Variants in NAV3 observed in about 807,000 individuals in gnomAD.
The protein encoded by NAV3 is pore membrane and/or filament interacting like protein 1.
In NAV3, 87 loss-of-function variants were observed where a neutral mutation model predicts 244.7. The ratio of observed to expected loss-of-function variants is 0.36; its 90% CI spans 0.30 to 0.42. NAV3 has a LOEUF of 0.42. Ranked by LOEUF, NAV3 falls within the 20% of genes least tolerant of loss-of-function variation. The pLI, the probability that NAV3 is intolerant of heterozygous loss-of-function variation, is 1.00. For synonymous variants in NAV3, 1,126 were observed against 1,042.2 expected, an observed-to-expected ratio of 1.08 and a Z score of -1.55; for missense variants, 2,663 against 2,893.3, an observed-to-expected ratio of 0.92 and a Z score of 1.83.
intron 20 of NAV3, among the ~76,000 whole-genome samples, chr12:78,145,790 A>G (rs1449521708): frequency 6.6e-6 from 1 of 152,200 alleles, no homozygotes; most frequent in Non-Finnish European, 1.5e-5. Flanking sequence ...GACTTGTGAT[A>G]ATTAAAATTA....
Position 78,154,317 on chromosome 12 carries a change from A to ATATTAC in NAV3, c.4786-4883_4786-4882insTACTAT, listed in dbSNP as rs1458854349. Reference sequence around the variant, plus strand: ...TATATTACTATATAATATATAGTATATATATAGTATATATTATATAGTAAT... The same window carrying ATATTAC: ...TATATTACTATATAATATATAGTATATATTACTATATAGTATATATTATATAGTAAT... On this transcript the variant is annotated intron_variant, in intron 22 of 39. Coordinates refer to ENST00000397909, the MANE Select transcript of NAV3 (RefSeq NM_001024383.2). 3.2e-3 allele frequency among the ~76,000 whole-genome samples: 293 copies of ATATTAC among 92,378 alleles called. 3 individuals carry two copies. Among genetic ancestry groups the ATATTAC allele is most frequent in the African/African-American group, 9.9e-3 (271 of 27,294 alleles). 60.6% of individuals were successfully genotyped at this position (92,378 alleles called of 152,430 possible). A position where few individuals can be genotyped will look rare whatever the true frequency, so the allele number is the denominator to read the frequency against.
chr12:77,786,194 A>G (rs1398378532), intron 2 of NAV3, among the ~76,000 whole-genome samples: 1 of 152,172 alleles, frequency 6.6e-6, no homozygotes, highest in Non-Finnish European at 1.5e-5. Flanking sequence ...TATGCCCCTA[A>G]CTGCTATGTG....
intron 12 of NAV3, among the ~76,000 whole-genome samples, chr12:78,100,083 A>C (rs1954462331): frequency 6.6e-6 from 1 of 151,878 alleles, no homozygotes; most frequent in South Asian, 2.1e-4. Flanking sequence ...TTTACTCAAA[A>C]CCCACATGGT....
intron 22 of NAV3, among the ~76,000 whole-genome samples, chr12:78,155,928 A>G (rs1456001965): frequency 6.6e-6 from 1 of 152,118 alleles, no homozygotes; most frequent in Non-Finnish European, 1.5e-5. Flanking sequence ...GATTCCACAA[A>G]TGTTCTCCCA....
intron 11 of NAV3, among the ~76,000 whole-genome samples, chr12:78,054,119 A>C (rs1725318133): frequency 6.6e-6 from 1 of 152,246 alleles, no homozygotes; most frequent in African/African-American, 2.4e-5. Flanking sequence ...CTCACATGAA[A>C]TAGAAAGCAG....
At position 78,185,788 on chromosome 12, in the gene NAV3, A is replaced by AT. The variant is rs1270517710; in HGVS notation, c.5790+91dup. 5.6e-5 allele frequency: 61 copies of AT among 1,085,418 alleles called. No homozygotes were observed. The Middle Eastern group carries it at 9.3e-4, about 16-fold the overall frequency. 67.2% of individuals were successfully genotyped at this position (1,085,418 alleles called of 1,614,324 possible). A position where few individuals can be genotyped will look rare whatever the true frequency, so the allele number is the denominator to read the frequency against. On this transcript the variant is annotated intron_variant, in intron 31 of 39. Coordinates refer to ENST00000397909, the MANE Select transcript of NAV3 (RefSeq NM_001024383.2). ...TATGTGTGAATATTTGATCTGGTAA[A>AT]TATCCTACAACAATTGTGGATTGGC... is the stretch of plus-strand genomic sequence containing the variant.
chr12:78,159,311 G>A (rs1957428124), intron 23 of NAV3, 25 bp downstream of exon 23: 1 of 1,594,464 alleles, frequency 6.3e-7, no homozygotes, highest in Non-Finnish European at 8.6e-7. Flanking sequence ...TGCCACTGGA[G>A]ACTGAAAGAA....
chr12:77,618,566 G>A (rs1040260433), intron 2 of NAV3, among the ~76,000 whole-genome samples: 74 of 152,172 alleles, frequency 4.9e-4, no homozygotes, highest in African/African-American at 1.7e-3. Flanking sequence ...TTAAAATGTT[G>A]TATAACTAAA....
chr12:78,129,120 T>C (rs2138862438), intron 18 of NAV3, among the ~76,000 whole-genome samples: 1 of 152,292 alleles, frequency 6.6e-6, no homozygotes, highest in Admixed American at 6.5e-5. Context: ...CTCCAGAGGC[T>C]CAGAAAGTTC....
intron 3 of NAV3, among the ~76,000 whole-genome samples, chr12:77,946,969 C>G (rs970760847): frequency 6.6e-6 from 1 of 152,072 alleles, no homozygotes; most frequent in Non-Finnish European, 1.5e-5. Context: ...AGCTAAGGAT[C>G]TGGCAAATGT....
intron 2 of NAV3, among the ~76,000 whole-genome samples, chr12:77,821,104 C>A (rs1005902063): frequency 1.3e-5 from 2 of 151,790 alleles, no homozygotes; most frequent in Non-Finnish European, 2.9e-5. Context: ...CACACACACA[C>A]ACACACACAG....
At chr12:78,006,258 T>TA (rs142229637) in intron 7 of NAV3, among the ~76,000 whole-genome samples, 161 bp from the exon 8 acceptor site, 7,016 of 151,362 alleles carry the variant, frequency 0.046, 265 homozygotes, top group East Asian at 0.14. Flanking sequence ...TGAAATATGG[T>TA]AAAAAAAAAT....
chr12:78,207,474 A>G (rs1594055356), intron 39 of NAV3, among the ~76,000 whole-genome samples: 1 of 152,314 alleles, frequency 6.6e-6, no homozygotes, highest in African/African-American at 2.4e-5. Flanking sequence ...TTCTACCTAT[A>G]TGAACTGCAG....
chr12:77,868,355 T>A (rs1264838544), intron 1 of NAV3, among the ~76,000 whole-genome samples: 1 of 152,220 alleles, frequency 6.6e-6, no homozygotes, highest in Non-Finnish European at 1.5e-5. Flanking sequence ...TATCTTATTT[T>A]ATTTTACTTT....
chr12:78,210,365 T>C (rs143786314), intron 39 of NAV3, 33 bp from the exon 40 acceptor site: 3 of 1,612,788 alleles, frequency 1.9e-6, no homozygotes, highest in Non-Finnish European at 2.5e-6. Context: ...CAATGCATCA[T>C]TGCCTACATC....
intron 1 of NAV3, among the ~76,000 whole-genome samples, chr12:77,858,330 A>T (rs1244723066): frequency 6.6e-6 from 1 of 152,082 alleles, no homozygotes; most frequent in East Asian, 1.9e-4. Context: ...TTCCATGTGG[A>T]TAAGGAATTT....
chr12:77,880,500 T>C (rs1225568818), intron 1 of NAV3, among the ~76,000 whole-genome samples: 2 of 152,106 alleles, frequency 1.3e-5, no homozygotes, highest in African/African-American at 2.4e-5. Flanking sequence ...CATCAGGAGA[T>C]AATGAAAAGT....
At chr12:77,741,148 C>CAAAAAAAAAAAAAAAAAAGAAAA (rs1868325681) in intron 2 of NAV3, among the ~76,000 whole-genome samples, 5 of 68,656 alleles carry the variant, frequency 7.3e-5, no homozygotes, top group Non-Finnish European at 1.3e-4. Context: ...AAAAAAAAGA[C>CAAAAAAAAAAAAAAAAAAGAAAA]AAAAAAAAAA....
chr12:78,169,008 C>T, intron 24 of NAV3, 142 bp downstream of exon 24: 2 of 532,454 alleles, frequency 3.8e-6, no homozygotes, highest in Non-Finnish European at 3.3e-6. Context: ...TTAATACATA[C>T]TAGTAGTATT....
Sources: allele counts gnomAD v4.1 joint callset (sites outside exome capture counted in the v4.1 genomes callset), GRCh38; gene constraint gnomAD v4.1.1; transcripts MANE v1.5; gene names NCBI Gene and HGNC (gene_info 2026-07-23, HGNC 2026-07-21).